SCN8A: variants seen among roughly 807,000 people sequenced by gnomAD.
SCN8A encodes the protein sodium voltage-gated channel alpha subunit 8, also known as sodium channel protein type 8 subunit alpha.
A neutral mutation model predicts 184.1 loss-of-function variants in SCN8A; 30 were observed. The ratio of observed to expected loss-of-function variants is 0.16; its 90% CI spans 0.12 to 0.22. The LOEUF (loss-of-function observed/expected upper bound fraction) is 0.22. Ranked by LOEUF, SCN8A falls within the 10% of genes least tolerant of loss-of-function variation. SCN8A has a pLI of 1.00. For synonymous variants in SCN8A, 852 were observed against 907.0 expected, an observed-to-expected ratio of 0.94 and a Z score of 1.09; for missense variants, 1,057 against 2,498.9, an observed-to-expected ratio of 0.42 and a Z score of 12.30.
chr12:51,601,975 T>C (rs1939477429), intron 1 of SCN8A, among the ~76,000 whole-genome samples: 1 of 151,806 alleles, frequency 6.6e-6, no homozygotes, highest in African/African-American at 2.4e-5. Context: ...GTTTTTTTTC[T>C]AGCCAGGATT....
intron 1 of SCN8A, among the ~76,000 whole-genome samples, chr12:51,652,429 C>T (rs1940736211): frequency 6.6e-6 from 1 of 152,142 alleles, no homozygotes; most frequent in African/African-American, 2.4e-5. Context: ...AATAACCTTC[C>T]TAAAATGTAA....
chr12:51,662,328 C>G (rs1940940485), intron 1 of SCN8A, among the ~76,000 whole-genome samples: 1 of 152,140 alleles, frequency 6.6e-6, no homozygotes, highest in Non-Finnish European at 1.5e-5. Context: ...GACAATTTAT[C>G]CTCATCTTGC....
At chr12:51,734,392 T>C (rs1409409050) in intron 12 of SCN8A, among the ~76,000 whole-genome samples, 4 of 152,226 alleles carry the variant, frequency 2.6e-5, no homozygotes, top group Admixed American at 2.0e-4. Flanking sequence ...TCTATAGATA[T>C]TGAATTAACT....
chr12:51,613,556 C>G (rs1028402275), intron 1 of SCN8A, among the ~76,000 whole-genome samples: 12 of 151,776 alleles, frequency 7.9e-5, no homozygotes. Flanking sequence ...ACCAGCTTTT[C>G]CTATATTAAT....
At position 51,809,426 on chromosome 12, in the gene SCN8A, T is replaced by C. The variant is rs1008221783; in HGVS notation, c.*1997T>C. ...AAGGTAATTTCACAGTCCACCAGAC[T>C]AGTTTTGCATAGAACAAACCACAGT... is the stretch of plus-strand genomic sequence containing the variant. On this transcript the variant is annotated 3_prime_UTR_variant, in exon 27 of 27. Transcript: ENST00000627620. 1 of 152,256 alleles carries C rather than the reference T, an allele frequency of 6.6e-6. No homozygotes were observed. The highest frequency in any genetic ancestry group is 1.5e-5 in the Non-Finnish European group (1 of 68,050). 9.4% of individuals were successfully genotyped at this position (152,256 alleles called of 1,614,324 possible).
Position 51,806,893 on chromosome 12 carries a change from A to G in SCN8A, c.5407A>G (p.Ile1803Val). ...EKFDPDATQF[I>V]EYCKLADFAD... is the part of the protein sequence containing the mutation. Reference sequence around the variant, plus strand: ...GTTCGACCCCGATGCCACCCAGTTCATTGAGTACTGTAAGCTGGCAGACTT... The same window carrying G: ...GTTCGACCCCGATGCCACCCAGTTCGTTGAGTACTGTAAGCTGGCAGACTT... Residue 1803 changes from isoleucine (I) to valine (V), a missense_variant, in exon 27 of 27, where the codon ATT becomes GTT. Ile to Val is a conservative substitution (Grantham distance 29). Transcript: ENST00000627620. This position sits in a 1 kb window ranked among gnomAD's most constrained non-coding sequence, Gnocchi z 8.7. The G allele has an allele frequency of 6.2e-7, 1 of 1,613,548 alleles. No individual in the cohort carries two copies. Among genetic ancestry groups the G allele is most frequent in the Non-Finnish European group, 8.5e-7 (1 of 1,179,562 alleles).
intron 1 of SCN8A, among the ~76,000 whole-genome samples, chr12:51,622,148 T>A (rs1939975804): frequency 6.6e-6 from 1 of 152,248 alleles, no homozygotes; most frequent in Non-Finnish European, 1.5e-5. Context: ...CATTAGATTT[T>A]TTAAAATCAA....
chr12:51,672,819 A>G (rs1411844061), intron 2 of SCN8A, among the ~76,000 whole-genome samples: 3 of 152,206 alleles, frequency 2.0e-5, no homozygotes, highest in Non-Finnish European at 4.4e-5. Flanking sequence ...TGCCAGTACT[A>G]GGGATATCTC....
chr12:51,789,793 A>G (rs538255427), intron 24 of SCN8A, among the ~76,000 whole-genome samples: 18 of 152,360 alleles, frequency 1.2e-4, no homozygotes, highest in African/African-American at 4.3e-4. Flanking sequence ...TCAATCTCTG[A>G]GCACAAGCAA....
intron 1 of SCN8A, among the ~76,000 whole-genome samples, chr12:51,597,436 G>A (rs1939373187): frequency 6.6e-6 from 1 of 152,076 alleles, no homozygotes; most frequent in African/African-American, 2.4e-5. Context: ...AGAAATAGTG[G>A]ATGCTTACTT....
At chr12:51,603,258 G>C (rs1400814583) in intron 1 of SCN8A, among the ~76,000 whole-genome samples, 2 of 152,166 alleles carry the variant, frequency 1.3e-5, no homozygotes, top group Non-Finnish European at 2.9e-5. Context: ...CATAAAAGTA[G>C]AATCATACTA....
At chr12:51,607,019 T>C (rs1439179148) in intron 1 of SCN8A, among the ~76,000 whole-genome samples, 1 of 151,968 alleles carries the variant, frequency 6.6e-6, no homozygotes, top group East Asian at 1.9e-4. Context: ...TGCCTCAGCC[T>C]CCCAAGTAGC....
chr12:51,721,328 A>G (rs1942056617), intron 11 of SCN8A, among the ~76,000 whole-genome samples: 1 of 151,860 alleles, frequency 6.6e-6, no homozygotes, highest in Non-Finnish European at 1.5e-5. Context: ...CAGTGGGTAG[A>G]CGTTTTGAAT....
chr12:51,668,461 C>A (rs556997558), intron 2 of SCN8A, among the ~76,000 whole-genome samples: 3 of 152,152 alleles, frequency 2.0e-5, no homozygotes, highest in Non-Finnish European at 4.4e-5. Flanking sequence ...TAGTTCCCCA[C>A]TTTTCTAATT....
rs1275668019 is a variant in SCN8A at position 51,809,342 on chromosome 12, GGAA to G, written c.*1920_*1922del. 2 of 152,220 alleles carry G rather than the reference GGAA, an allele frequency of 1.3e-5. No individual in the cohort carries two copies. The highest frequency in any genetic ancestry group is 2.9e-5 in the Non-Finnish European group (2 of 68,040). The allele number at this position is 152,220 out of a possible 1,614,324, so 9.4% of individuals were successfully genotyped here. A position where few individuals can be genotyped will look rare whatever the true frequency, so the allele number is the denominator to read the frequency against. On this transcript the variant is annotated 3_prime_UTR_variant, in exon 27 of 27. Transcript: ENST00000627620. ...TCTTCCTGAACCATACACTAGAGGG[GGAA>G]GAAGAACCAACCCATAATCAGACAC... is the stretch of plus-strand genomic sequence containing the variant.
chr12:51,713,892 T>C (rs1361814979), intron 11 of SCN8A, among the ~76,000 whole-genome samples: 1 of 151,526 alleles, frequency 6.6e-6, no homozygotes, highest in Non-Finnish European at 1.5e-5. Flanking sequence ...TTTAAAAATA[T>C]AGTAATGATA....
intron 16 of SCN8A, among the ~76,000 whole-genome samples, chr12:51,767,054 A>G (rs1380339948): frequency 6.6e-6 from 1 of 152,076 alleles, no homozygotes; most frequent in African/African-American, 2.4e-5. Flanking sequence ...ACCAGCTACA[A>G]CTATTCTGTT....
intron 1 of SCN8A, among the ~76,000 whole-genome samples, chr12:51,631,323 G>C (rs924705206): frequency 1.3e-5 from 2 of 152,128 alleles, no homozygotes; most frequent in Non-Finnish European, 2.9e-5. Context: ...TTACCAATAT[G>C]CCCCCCAAGC....
intron 20 of SCN8A, among the ~76,000 whole-genome samples, chr12:51,776,261 C>G (rs1167226079): frequency 1.3e-5 from 2 of 152,202 alleles, no homozygotes; most frequent in African/African-American, 4.8e-5. Flanking sequence ...GCCACTGTGC[C>G]AAGCCAGCAT....
Sources: allele counts gnomAD v4.1 joint callset (sites outside exome capture counted in the v4.1 genomes callset), GRCh38; gene constraint gnomAD v4.1.1; non-coding constraint Gnocchi (gnomAD v3.1); transcripts MANE v1.5; gene names NCBI Gene and HGNC (gene_info 2026-07-23, HGNC 2026-07-21).